The following GALNT13 variants were observed in gnomAD, a reference collection of about 807,000 sequenced individuals.
GALNT13 encodes polypeptide N-acetylgalactosaminyltransferase 13, also known as UDP-GalNAc:polypeptide N-acetylgalactosaminyltransferase 13.
GALNT13 carries 28 observed loss-of-function variants against 64.2 expected under a neutral mutation model. The observed-to-expected ratio is 0.44, with a 90% CI of 0.32 to 0.60. The LOEUF (loss-of-function observed/expected upper bound fraction) is 0.60. Ranked by LOEUF, GALNT13 falls within the 20% of genes least tolerant of loss-of-function variation. The probability of loss-of-function intolerance (pLI) is 0.05; values close to 1 mark genes in which losing one functional copy is unlikely to be tolerated. For synonymous variants in GALNT13, 214 were observed against 224.6 expected, an observed-to-expected ratio of 0.95 and a Z score of 0.42; for missense variants, 577 against 669.8, an observed-to-expected ratio of 0.86 and a Z score of 1.53.
the GALNT13 span, among the ~76,000 whole-genome samples, chr2:153,576,573 C>T: frequency 6.6e-5 from 10 of 152,284 alleles, 1 homozygote; most frequent in South Asian, 1.7e-3. Context: ...GCTGTGCTCT[C>T]CTTCCCCCAG....
intron 3 of GALNT13, among the ~76,000 whole-genome samples, chr2:154,044,941 G>A (rs1325086676): frequency 6.6e-6 from 1 of 151,744 alleles, no homozygotes; most frequent in Non-Finnish European, 1.5e-5. Flanking sequence ...CCATAGCATC[G>A]TAATGGATTA....
At chr2:154,253,926 G>A (rs1690225204) in intron 7 of GALNT13, among the ~76,000 whole-genome samples, 1 of 152,022 alleles carries the variant, frequency 6.6e-6, no homozygotes, top group Non-Finnish European at 1.5e-5. Flanking sequence ...GTGGTGAAAA[G>A]TACACAAATA....
chr2:153,110,952 T>C, the GALNT13 span, among the ~76,000 whole-genome samples: 27 of 152,258 alleles, frequency 1.8e-4, no homozygotes, highest in African/African-American at 5.1e-4. Context: ...AAATCACTTA[T>C]GTGTGCAAAT....
the GALNT13 span, among the ~76,000 whole-genome samples, chr2:153,778,985 T>C: frequency 6.6e-6 from 1 of 152,216 alleles, no homozygotes; most frequent in African/African-American, 2.4e-5. Context: ...ACTAGCTGTG[T>C]GGTCTTGGAC....
the GALNT13 span, among the ~76,000 whole-genome samples, chr2:153,140,889 A>G: frequency 6.6e-6 from 1 of 152,012 alleles, no homozygotes; most frequent in African/African-American, 2.4e-5. Context: ...AATATAATTT[A>G]CCAATTTAAA....
the GALNT13 span, among the ~76,000 whole-genome samples, chr2:153,832,059 A>G: frequency 6.6e-6 from 1 of 152,156 alleles, no homozygotes; most frequent in Non-Finnish European, 1.5e-5. Context: ...GAAAGAAGAG[A>G]ACTGTATGTT....
chr2:154,030,553 G>A (rs1315936963), intron 3 of GALNT13, among the ~76,000 whole-genome samples: 2 of 152,094 alleles, frequency 1.3e-5, no homozygotes, highest in East Asian at 1.9e-4. Flanking sequence ...TGTAATACCA[G>A]AGTTAAACTT....
At chr2:153,813,989 C>T in the GALNT13 span, among the ~76,000 whole-genome samples, 1 of 152,172 alleles carries the variant, frequency 6.6e-6, no homozygotes, top group East Asian at 1.9e-4. Flanking sequence ...AGTGTCTTAT[C>T]CTTCAAGCTC....
At chr2:153,907,005 A>G (rs1688610803) in intron 2 of GALNT13, among the ~76,000 whole-genome samples, 1 of 152,060 alleles carries the variant, frequency 6.6e-6, no homozygotes, top group Non-Finnish European at 1.5e-5. Context: ...AGTGATGATG[A>G]GCGTTTTTTC....
intron 9 of GALNT13, among the ~76,000 whole-genome samples, chr2:154,325,150 A>T (rs1001863348): frequency 2.6e-5 from 4 of 151,946 alleles, no homozygotes; most frequent in Non-Finnish European, 4.4e-5. Context: ...AAAAAAAAAA[A>T]TGCTTCATAT....
chr2:153,662,003 A>G, the GALNT13 span, among the ~76,000 whole-genome samples: 5 of 152,302 alleles, frequency 3.3e-5, no homozygotes, highest in South Asian at 4.1e-4. Context: ...TTTTGTTGGC[A>G]TAGTAGATGT....
chr2:153,146,201 C>T, the GALNT13 span, among the ~76,000 whole-genome samples: 22,508 of 150,052 alleles, frequency 0.15, 1,721 homozygotes, highest in East Asian at 0.24. Context: ...GACCCTTCTT[C>T]CCATGAAGTT....
the GALNT13 span, among the ~76,000 whole-genome samples, chr2:153,534,037 C>T: frequency 6.6e-6 from 1 of 152,026 alleles, no homozygotes; most frequent in Admixed American, 6.6e-5. Context: ...CCGTGCCTGG[C>T]ATAGAATTTC....
intron 1 of GALNT13, among the ~76,000 whole-genome samples, chr2:153,893,821 T>G (rs1687720653): frequency 6.6e-6 from 1 of 152,110 alleles, no homozygotes; most frequent in Non-Finnish European, 1.5e-5. Flanking sequence ...TGAAGTACTT[T>G]GAACGTGAAA....
chr2:154,379,324 A>G (rs1698154894), intron 9 of GALNT13, among the ~76,000 whole-genome samples: 1 of 152,018 alleles, frequency 6.6e-6, no homozygotes, highest in Non-Finnish European at 1.5e-5. Flanking sequence ...GCCTTAAACT[A>G]GATTTTCATA....
intron 7 of GALNT13, among the ~76,000 whole-genome samples, chr2:154,246,636 T>C (rs955606998): frequency 1.6e-4 from 25 of 152,126 alleles, no homozygotes; most frequent in Admixed American, 9.8e-4. Flanking sequence ...GTGGACCTCT[T>C]ACCTGAAACT....
At chr2:153,991,114 CCTT>C (rs1695129553) in intron 3 of GALNT13, among the ~76,000 whole-genome samples, 1 of 152,284 alleles carries the variant, frequency 6.6e-6, no homozygotes, top group African/African-American at 2.4e-5. Context: ...CTCAGCAAAA[CCTT>C]CTCCACCAGA....
intron 3 of GALNT13, among the ~76,000 whole-genome samples, chr2:153,971,894 AG>A: frequency 6.6e-6 from 1 of 152,272 alleles, no homozygotes; most frequent in Middle Eastern, 3.4e-3. Flanking sequence ...AGATGTAATT[AG>A]TCAAGGATTG....
At chr2:153,741,801 G>A in the GALNT13 span, among the ~76,000 whole-genome samples, 1 of 151,920 alleles carries the variant, frequency 6.6e-6, no homozygotes, top group African/African-American at 2.4e-5. Flanking sequence ...AATTTGGTGA[G>A]TATTCAAACT....
Sources: allele counts gnomAD v4.1 joint callset (sites outside exome capture counted in the v4.1 genomes callset), GRCh38; gene constraint gnomAD v4.1.1; transcripts MANE v1.5; gene names NCBI Gene and HGNC (gene_info 2026-07-23, HGNC 2026-07-21).